NELL1: variants seen among roughly 807,000 people sequenced by gnomAD.
NELL1 encodes the protein neural EGFL like 1.
A neutral mutation model predicts 107.4 loss-of-function variants in NELL1; 76 were observed. The observed-to-expected ratio is 0.71, with a 90% confidence interval of 0.59 to 0.86. The LOEUF (loss-of-function observed/expected upper bound fraction) is 0.86, where lower values mean the gene tolerates loss of function less well. Among genes scored for constraint, NELL1 ranks in the 40% least tolerant of loss-of-function variants. The pLI is 0.00. For synonymous variants in NELL1, 353 were observed against 341.2 expected, an observed-to-expected ratio of 1.03 and a Z score of -0.38; for missense variants, 1,024 against 1,005.5, an observed-to-expected ratio of 1.02 and a Z score of -0.25.
intron 13 of NELL1, among the ~76,000 whole-genome samples, chr11:21,201,190 G>A (rs1857261759): frequency 6.6e-6 from 1 of 152,088 alleles, no homozygotes; most frequent in South Asian, 2.1e-4. Flanking sequence ...AGCTTGATGG[G>A]GATAGCACTG....
intron 12 of NELL1, among the ~76,000 whole-genome samples, chr11:20,970,441 G>A (rs1851475615): frequency 6.6e-6 from 1 of 152,130 alleles, no homozygotes; most frequent in Admixed American, 6.6e-5. Context: ...CAGTTTAAAA[G>A]GGGGAAAAGA....
intron 15 of NELL1, among the ~76,000 whole-genome samples, chr11:21,382,647 C>T (rs958444340): frequency 2.0e-4 from 30 of 151,982 alleles, no homozygotes; most frequent in African/African-American, 7.2e-4. Flanking sequence ...ATAGCTTTGT[C>T]AGTCCACCTT....
intron 15 of NELL1, among the ~76,000 whole-genome samples, chr11:21,522,829 CTTTTCTTTTTTTTTTTT>C (rs1855760898): frequency 9.2e-6 from 1 of 109,188 alleles, no homozygotes; most frequent in Non-Finnish European, 2.0e-5. Context: ...CTATTTTTTT[CTTTTCTTTTTTTTTTTT>C]TTTTTTTTTT....
intron 5 of NELL1, among the ~76,000 whole-genome samples, chr11:20,887,527 A>T (rs1849534551): frequency 6.6e-6 from 1 of 152,222 alleles, no homozygotes; most frequent in South Asian, 2.1e-4. Context: ...GGGAGAAATT[A>T]CTTAGATCCC....
intron 12 of NELL1, among the ~76,000 whole-genome samples, chr11:20,967,169 G>A (rs1851403092): frequency 6.6e-6 from 1 of 152,072 alleles, no homozygotes; most frequent in South Asian, 2.1e-4. Flanking sequence ...AGGTTTTCAG[G>A]CCAGTTCATA....
At chr11:21,126,410 T>A (rs752931038) in intron 13 of NELL1, among the ~76,000 whole-genome samples, 6 of 152,166 alleles carry the variant, frequency 3.9e-5, no homozygotes, top group Non-Finnish European at 5.9e-5. Flanking sequence ...CAGCAAGCAA[T>A]AGCCATTGTT....
chr11:20,741,706 T>C (rs1410308228), intron 2 of NELL1, among the ~76,000 whole-genome samples: 1 of 152,204 alleles, frequency 6.6e-6, no homozygotes, highest in African/African-American at 2.4e-5. Flanking sequence ...CCATCAAGGT[T>C]AATTCTACGA....
chr11:20,687,031 ATCTC>A lies in NELL1; in HGVS notation c.184+8983_184+8986del, dbSNP rs758434226. ...AAAAAAACATCTGGTCTGTTTTGGGATCTCTCTCTCTCTCTTTTTTTTTTTTTCA... is the reference window on the plus strand; with the variant it reads ...AAAAAAACATCTGGTCTGTTTTGGGATCTCTCTCTCTTTTTTTTTTTTTCA... On this transcript the variant is annotated intron_variant, in intron 2 of 19. Coordinates refer to ENST00000357134, the MANE Select transcript of NELL1 (RefSeq NM_006157.5). 1.4e-3 allele frequency among the ~76,000 whole-genome samples: 166 copies of A among 119,278 alleles called. 1 individual carries two copies. The highest frequency in any genetic ancestry group is 2.0e-3 in the Non-Finnish European group (117 of 57,938). The allele number at this position is 119,278 out of a possible 152,430, so 78.3% of individuals were successfully genotyped here.
chr11:21,571,901 A>ATGAT (rs755732036), intron 18 of NELL1, among the ~76,000 whole-genome samples: 62 of 151,928 alleles, frequency 4.1e-4, no homozygotes, highest in Admixed American at 6.6e-5. Context: ...GCTGACATGA[A>ATGAT]TGATTCTCAT....
chr11:21,227,422 C>A (rs1323722494), intron 13 of NELL1, among the ~76,000 whole-genome samples: 3 of 152,096 alleles, frequency 2.0e-5, no homozygotes, highest in Non-Finnish European at 4.4e-5. Context: ...GTTAGTTACC[C>A]CTATTAAAAC....
intron 2 of NELL1, among the ~76,000 whole-genome samples, chr11:20,693,798 C>T (rs1405532974): frequency 1.3e-5 from 2 of 151,834 alleles, no homozygotes; most frequent in African/African-American, 2.4e-5. Context: ...ATCTTTGTGG[C>T]GTTCTCTGTA....
intron 13 of NELL1, among the ~76,000 whole-genome samples, chr11:21,165,043 T>C (rs902074370): frequency 1.8e-4 from 27 of 152,224 alleles, no homozygotes; most frequent in African/African-American, 6.3e-4. Flanking sequence ...ATTTTGTAGA[T>C]AAAACACGTC....
intron 4 of NELL1, among the ~76,000 whole-genome samples, chr11:20,871,059 C>T (rs1026717374): frequency 1.3e-5 from 2 of 152,086 alleles, no homozygotes; most frequent in African/African-American, 4.8e-5. Context: ...AAAAAAGCAC[C>T]GCTTGGTAGT....
intron 8 of NELL1, among the ~76,000 whole-genome samples, chr11:20,928,135 C>A (rs1323481147): frequency 6.6e-6 from 1 of 152,136 alleles, no homozygotes; most frequent in Non-Finnish European, 1.5e-5. Flanking sequence ...TCTGCATAAT[C>A]TAGTTAGCAC....
At chr11:21,250,901 C>G (rs567105683) in intron 14 of NELL1, among the ~76,000 whole-genome samples, 1 of 152,274 alleles carries the variant, frequency 6.6e-6, no homozygotes, top group East Asian at 1.9e-4. Flanking sequence ...ATTCTTGACA[C>G]TCTGGTTGGG....
intron 12 of NELL1, among the ~76,000 whole-genome samples, chr11:21,088,922 C>T (rs1945318): frequency 0.14 from 21,204 of 152,062 alleles, 1,898 homozygotes; most frequent in Middle Eastern, 0.24. Context: ...TAGCCTGCTA[C>T]GATTTATCAT....
At chr11:21,240,651 A>G (rs1266196697) in intron 14 of NELL1, among the ~76,000 whole-genome samples, 1 of 150,702 alleles carries the variant, frequency 6.6e-6, no homozygotes, top group Non-Finnish European at 1.5e-5. Context: ...AGGCAAAGGG[A>G]CTTTTGTGGC....
chr11:21,348,938 A>G (rs1850742648), intron 14 of NELL1, among the ~76,000 whole-genome samples: 1 of 152,232 alleles, frequency 6.6e-6, no homozygotes, highest in Admixed American at 6.5e-5. Context: ...GAATGGCTTC[A>G]TATATCATGT....
chr11:21,493,001 C>T (rs1854870753), intron 15 of NELL1, among the ~76,000 whole-genome samples: 1 of 151,994 alleles, frequency 6.6e-6, no homozygotes, highest in Admixed American at 6.6e-5. Context: ...TATCACTAAG[C>T]ATCATGAAAT....
Sources: gnomAD v4.1 joint callset for allele counts (sites outside exome capture counted in the v4.1 genomes callset) on GRCh38, gnomAD v4.1.1 for gene constraint, MANE v1.5 for transcripts, NCBI Gene and HGNC (gene_info 2026-07-23, HGNC 2026-07-21) for gene names.